CCDC60: variants seen among roughly 807,000 people sequenced by gnomAD.
The protein encoded by CCDC60 is coiled-coil domain containing 60.
A neutral mutation model predicts 63.5 loss-of-function variants in CCDC60; 54 were observed. The ratio of observed to expected loss-of-function variants is 0.85; its 90% CI spans 0.68 to 1.07. The LOEUF (loss-of-function observed/expected upper bound fraction) is 1.07, where lower values mean the gene tolerates loss of function less well. CCDC60 is among the 50% of genes least tolerant of loss of function. The probability of loss-of-function intolerance (pLI) is 0.00; values close to 1 mark genes in which losing one functional copy is unlikely to be tolerated. For missense variants in CCDC60, 651 were observed against 684.3 expected (o/e 0.95, Z 0.54); for synonymous variants, 206 against 238.8 (o/e 0.86, Z 1.27).
At chr12:119,506,438 CAAAAAAAAA>C (rs35584778) in intron 7 of CCDC60, among the ~76,000 whole-genome samples, 3 of 87,400 alleles carry the variant, frequency 3.4e-5, no homozygotes, top group East Asian at 4.2e-4. Context: ...CCTCATCTCT[CAAAAAAAAA>C]AAAAAAAAAA....
intron 11 of CCDC60, among the ~76,000 whole-genome samples, chr12:119,524,705 T>C (rs943900489): frequency 6.7e-5 from 9 of 134,760 alleles, no homozygotes; most frequent in African/African-American, 9.1e-5. Flanking sequence ...AACAGCAGTT[T>C]CTTTTCTTTT....
intron 1 of CCDC60, among the ~76,000 whole-genome samples, chr12:119,366,191 G>A (rs1345753219): frequency 9.4e-6 from 1 of 106,742 alleles, no homozygotes; most frequent in Non-Finnish European, 2.1e-5. Flanking sequence ...GTACGTCACT[G>A]AAGATCTACA....
At chr12:119,455,776 TGAAA>T (rs1483417568) in intron 2 of CCDC60, among the ~76,000 whole-genome samples, 1 of 82,832 alleles carries the variant, frequency 1.2e-5, no homozygotes, top group African/African-American at 4.8e-5. Flanking sequence ...AAAGAAAGAG[TGAAA>T]GAAAGAAAAA....
chr12:119,528,864 G>C (rs1952762677), intron 12 of CCDC60, 118 bp downstream of exon 12: 5 of 1,054,222 alleles, frequency 4.7e-6, no homozygotes, highest in South Asian at 1.9e-5. Context: ...CTCCAAAACT[G>C]TCATTGGCCA....
At chr12:119,418,426 T>TTTTTTTTTTTTTTG (rs1956749248) in intron 1 of CCDC60, among the ~76,000 whole-genome samples, 1 of 70,534 alleles carries the variant, frequency 1.4e-5, no homozygotes, top group Non-Finnish European at 2.6e-5. Flanking sequence ...TTTTTTTTTT[T>TTTTTTTTTTTTTTG]TTTTTTGAGA....
intron 1 of CCDC60, among the ~76,000 whole-genome samples, chr12:119,389,342 T>C (rs182815916): frequency 2.9e-4 from 44 of 152,330 alleles, no homozygotes; most frequent in Non-Finnish European, 4.3e-4. Flanking sequence ...CCCATTTCTT[T>C]ACATATGGTC....
At chr12:119,517,011 AG>A (rs1952372031) in intron 8 of CCDC60, among the ~76,000 whole-genome samples, 1 of 152,172 alleles carries the variant, frequency 6.6e-6, no homozygotes, top group South Asian at 2.1e-4. Flanking sequence ...TCTCTGAGAC[AG>A]GGTCTCGCTC....
chr12:119,352,312 C>T (rs1209087560), intron 1 of CCDC60, among the ~76,000 whole-genome samples: 2 of 152,164 alleles, frequency 1.3e-5, no homozygotes, highest in Non-Finnish European at 2.9e-5. Context: ...GACATGGGTC[C>T]AAACCATATC....
At chr12:119,357,682 G>A (rs970065311) in intron 1 of CCDC60, among the ~76,000 whole-genome samples, 3 of 152,062 alleles carry the variant, frequency 2.0e-5, no homozygotes, top group East Asian at 1.9e-4. Flanking sequence ...TCAAACTCCC[G>A]ACCTCAGGTG....
At chr12:119,472,466 T>G (rs1405932061) in intron 3 of CCDC60, among the ~76,000 whole-genome samples, 2 of 152,048 alleles carry the variant, frequency 1.3e-5, no homozygotes, top group Admixed American at 1.3e-4. Flanking sequence ...CCATAATACG[T>G]GTTTATATGC....
At chr12:119,395,232 C>G (rs559182043) in intron 1 of CCDC60, among the ~76,000 whole-genome samples, 1 of 152,206 alleles carries the variant, frequency 6.6e-6, no homozygotes, top group South Asian at 2.1e-4. Flanking sequence ...ATGGAAGCCA[C>G]TGAAGGGTCT....
intron 7 of CCDC60, among the ~76,000 whole-genome samples, chr12:119,510,596 G>C (rs1952189816): frequency 6.6e-6 from 1 of 151,842 alleles, no homozygotes; most frequent in Admixed American, 6.6e-5. Context: ...AAAAAGCAGT[G>C]GCTTAAAAAA....
intron 4 of CCDC60, among the ~76,000 whole-genome samples, chr12:119,483,081 A>G (rs1951361693): frequency 6.6e-6 from 1 of 152,178 alleles, no homozygotes; most frequent in African/African-American, 2.4e-5. Context: ...GAATGAACAC[A>G]GTTACCCTCT....
intron 6 of CCDC60, among the ~76,000 whole-genome samples, chr12:119,501,030 T>G (rs1434809308): frequency 6.6e-6 from 1 of 152,194 alleles, no homozygotes. Flanking sequence ...ATCATAATAA[T>G]AATAATGGCA....
intron 1 of CCDC60, among the ~76,000 whole-genome samples, chr12:119,345,433 C>T (rs569648008): frequency 2.4e-4 from 36 of 152,036 alleles, no homozygotes; most frequent in Non-Finnish European, 5.1e-4. Context: ...ACCCGGGAGG[C>T]GGAGGTTGCA....
chr12:119,392,263 A>G (rs946250278), intron 1 of CCDC60, among the ~76,000 whole-genome samples: 10 of 152,162 alleles, frequency 6.6e-5, no homozygotes, highest in African/African-American at 2.4e-4. Context: ...ACATGGAAGA[A>G]GGCAGCTACT....
intron 11 of CCDC60, among the ~76,000 whole-genome samples, chr12:119,525,595 G>T (rs1376346763): frequency 6.6e-6 from 1 of 152,172 alleles, no homozygotes; most frequent in Admixed American, 6.5e-5. Context: ...ATAAGCAAAT[G>T]TTGAGGGACT....
chr12:119,488,621 C>T (rs1443101409), intron 4 of CCDC60, 138 bp from the exon 5 acceptor site: 1 of 682,880 alleles, frequency 1.5e-6, no homozygotes, highest in Non-Finnish European at 2.6e-6. Flanking sequence ...ATGATACATG[C>T]AAAATACTTG....
At chr12:119,495,861 G>A (rs140547782) in intron 5 of CCDC60, among the ~76,000 whole-genome samples, 1 of 152,330 alleles carries the variant, frequency 6.6e-6, no homozygotes, top group African/African-American at 2.4e-5. Flanking sequence ...AAGATACTTT[G>A]AGATAGCAAT....
Sources: allele counts gnomAD v4.1 joint callset (sites outside exome capture counted in the v4.1 genomes callset), GRCh38; gene constraint gnomAD v4.1.1; transcripts MANE v1.5; gene names NCBI Gene and HGNC (gene_info 2026-07-23, HGNC 2026-07-21).